The following SLC45A4 variants were observed in gnomAD, a reference collection of about 807,000 sequenced individuals.
SLC45A4 encodes the protein polyamine-transporter SLC45A4.
SLC45A4 carries 32 observed loss-of-function variants against 63.7 expected under a neutral mutation model. The ratio of observed to expected loss-of-function variants is 0.50; its 90% confidence interval spans 0.38 to 0.67. The LOEUF (loss-of-function observed/expected upper bound fraction) is 0.67. Among genes scored for constraint, SLC45A4 ranks in the 30% least tolerant of loss-of-function variants. The probability of loss-of-function intolerance (pLI) is 0.00; values close to 1 mark genes in which losing one functional copy is unlikely to be tolerated. For synonymous variants in SLC45A4, 535 were observed against 510.0 expected (o/e 1.05, Z -0.66); for missense variants, 1,027 against 1,157.7 (o/e 0.89, Z 1.64).
intron 2 of SLC45A4, among the ~76,000 whole-genome samples, chr8:141,247,183 A>G (rs182264093): frequency 1.2e-4 from 17 of 147,178 alleles, no homozygotes; most frequent in African/African-American, 3.9e-4. Flanking sequence ...TACAGGTCTT[A>G]CAATTAAAAG....
intron 1 of SLC45A4, among the ~76,000 whole-genome samples, chr8:141,301,734 C>CAAAAAAAAAAAAAAAAAAAAAAAAAAAA (rs564016568): frequency 1.3e-4 from 5 of 39,564 alleles, no homozygotes; most frequent in Non-Finnish European, 2.0e-4. Flanking sequence ...GACCCTATCT[C>CAAAAAAAAAAAAAAAAAAAAAAAAAAAA]AAAAAAAAAA....
At position 141,258,483 on chromosome 8, in the gene SLC45A4, T is replaced by C. The variant is rs552402587; in HGVS notation, c.-400-3854A>G. ...CACAGAGAAAAGCCCCAGGCAACCA[T>C]CGGCCTCTCACATGGAGCATGGACT... is the stretch of plus-strand genomic sequence containing the variant. On this transcript the variant is annotated intron_variant, in intron 1 of 8. Coordinates refer to ENST00000517878, the MANE Select transcript of SLC45A4 (RefSeq NM_001286646.2). 4.9e-4 allele frequency among the ~76,000 whole-genome samples: 75 copies of C among 152,172 alleles called. 1 individual carries two copies. Among genetic ancestry groups the C allele is most frequent in the African/African-American group, 1.7e-3 (71 of 41,532 alleles).
intron 1 of SLC45A4, among the ~76,000 whole-genome samples, chr8:141,293,253 G>C (rs989240120): frequency 5.3e-5 from 8 of 152,140 alleles, no homozygotes; most frequent in African/African-American, 1.9e-4. Flanking sequence ...AGGGGTTCGA[G>C]ACCAGCCTGG....
At chr8:141,301,734 C>CAAAAAAAAAAAAAA (rs564016568) in intron 1 of SLC45A4, among the ~76,000 whole-genome samples, 806 of 39,566 alleles carry the variant, frequency 0.02, 91 homozygotes, top group Non-Finnish European at 0.031. Context: ...GACCCTATCT[C>CAAAAAAAAAAAAAA]AAAAAAAAAA....
intron 2 of SLC45A4, among the ~76,000 whole-genome samples, chr8:141,251,387 A>G (rs1452000097): frequency 2.0e-5 from 3 of 151,794 alleles, no homozygotes; most frequent in South Asian, 4.2e-4. Flanking sequence ...GCCTTCCCAC[A>G]CTGGTCCAGC....
chr8:141,259,288 C>T (rs1407293610), intron 1 of SLC45A4, among the ~76,000 whole-genome samples: 8 of 152,250 alleles, frequency 5.3e-5, no homozygotes, highest in African/African-American at 1.9e-4. Context: ...GACGGCTTCA[C>T]GCCTTGGGAC....
rs796187122 is a variant in SLC45A4 at position 141,256,939 on chromosome 8, C to T, written c.-400-2310G>A. The T allele has an allele frequency of 1.0e-4, 24 of 237,348 alleles. No homozygotes were observed. The highest frequency in any genetic ancestry group is 3.9e-4 in the African/African-American group (17 of 43,488). 14.7% of individuals were successfully genotyped at this position (237,348 alleles called of 1,614,324 possible). ...TGTGATCTCGGCTCACTGCAACCTC[C>T]GCCTCCCAGCTTCAAGCGATTCTCC... On this transcript the variant is annotated intron_variant, in intron 1 of 8. Coordinates refer to ENST00000517878, the MANE Select transcript of SLC45A4 (RefSeq NM_001286646.2). The surrounding 1 kb of genome is among the most constrained non-coding windows in gnomAD (Gnocchi z 4.3).
intron 1 of SLC45A4, among the ~76,000 whole-genome samples, chr8:141,295,263 T>C (rs748223500): frequency 1.3e-5 from 2 of 151,984 alleles, no homozygotes; most frequent in Non-Finnish European, 2.9e-5. Flanking sequence ...GCCCTGGGGC[T>C]CAGAGAAATT....
chr8:141,215,890 C>T lies in SLC45A4; in HGVS notation c.1810G>A (p.Gly604Ser), dbSNP rs138274616. ...YVLGTLGFSV[G>S]TAVMAMFPNV... ...GGAAACATGGCCATCACGGCTGTGC[C>T]GACAGAGAAGCCCAGCGTCCCCAGC... The change falls in exon 7 of 9, where the codon GGC (glycine) becomes AGC (serine). Residue 604 changes from glycine (G) to serine (S), a missense_variant. Coordinates refer to ENST00000517878, the MANE Select transcript of SLC45A4 (RefSeq NM_001286646.2). The surrounding 1 kb of genome is among the most constrained non-coding windows in gnomAD (Gnocchi z 4.3). The T allele has an allele frequency of 5.6e-6, 9 of 1,614,004 alleles. No homozygotes were observed. Among genetic ancestry groups the T allele is most frequent in the African/African-American group, 2.7e-5 (2 of 74,898 alleles).
In SLC45A4 at chr8:141,217,209, G is replaced by A. The variant is rs574188322; in HGVS notation, c.1630-20C>T. The A allele has an allele frequency of 8.1e-6, 13 of 1,612,116 alleles. No homozygotes were observed. The South Asian group carries it at 1.4e-4, about 18-fold the overall frequency. On this transcript the variant is annotated intron_variant, in intron 5 of 8. Coordinates refer to ENST00000517878, the MANE Select transcript of SLC45A4 (RefSeq NM_001286646.2). ...GGGGGCCTGTTCCGGAAATGAGACG[G>A]GGGCTGACGAGGGCATCTGCTGGGC...
At chr8:141,287,040 C>T (rs939111097) in intron 1 of SLC45A4, among the ~76,000 whole-genome samples, 10 of 152,044 alleles carry the variant, frequency 6.6e-5, no homozygotes, top group Non-Finnish European at 1.2e-4. Flanking sequence ...CACCGTGTGA[C>T]CTTGAGGAAG....
chr8:141,288,169 T>C (rs995931290), intron 1 of SLC45A4, among the ~76,000 whole-genome samples: 1 of 152,034 alleles, frequency 6.6e-6, no homozygotes, highest in Non-Finnish European at 1.5e-5. Context: ...GCGACAGGCT[T>C]GAGTATGTCT....
chr8:141,209,431 G>C lies in SLC45A4; in HGVS notation c.*2141C>G, dbSNP rs1290159631. On this transcript the variant is annotated 3_prime_UTR_variant, in exon 9 of 9. Transcript: ENST00000517878. ...ATGTCGTGACCTGGTCCCCGCTGTG[G>C]CCAGGCCGGGCCCACACGCACCGCC... 6.6e-6 allele frequency: 1 copy of C among 152,350 alleles called. No individual in the cohort carries two copies. The highest frequency in any genetic ancestry group is 1.9e-4 in the East Asian group (1 of 5,198). 9.4% of individuals were successfully genotyped at this position (152,350 alleles called of 1,614,324 possible). A position where few individuals can be genotyped will look rare whatever the true frequency, so the allele number is the denominator to read the frequency against.
intron 2 of SLC45A4, chr8:141,253,248 CCCACCTGTGT>C (rs1589816874): frequency 1.2e-5 from 2 of 162,558 alleles, no homozygotes; most frequent in East Asian, 3.9e-4. Flanking sequence ...TGTTTTCATG[CCCACCTGTGT>C]GTCTGTGAAT....
At chr8:141,290,911 C>T (rs563359400) in intron 1 of SLC45A4, among the ~76,000 whole-genome samples, 5 of 152,346 alleles carry the variant, frequency 3.3e-5, no homozygotes, top group East Asian at 3.9e-4. Context: ...TGCAGTGGTG[C>T]GATCTCAGCT....
chr8:141,273,956 G>A (rs1048600413), intron 1 of SLC45A4, among the ~76,000 whole-genome samples: 3 of 152,348 alleles, frequency 2.0e-5, no homozygotes, highest in Non-Finnish European at 2.9e-5. Context: ...TGGGCCAGGC[G>A]TGGTGGCTCA....
intron 1 of SLC45A4, among the ~76,000 whole-genome samples, chr8:141,273,977 C>T (rs1014917633): frequency 4.6e-5 from 7 of 152,270 alleles, no homozygotes; most frequent in African/African-American, 1.4e-4. Context: ...CGCCTGTAAT[C>T]CCAGCACTTT....
intron 1 of SLC45A4, among the ~76,000 whole-genome samples, chr8:141,258,180 T>C (rs1828888854): frequency 6.6e-6 from 1 of 151,814 alleles, no homozygotes. Context: ...CACAGTTTGC[T>C]GCCCTCCGGC....
chr8:141,268,752 T>C (rs1475737858), intron 1 of SLC45A4, among the ~76,000 whole-genome samples: 1 of 152,208 alleles, frequency 6.6e-6, no homozygotes, highest in African/African-American at 2.4e-5. Flanking sequence ...GGGGCATCCA[T>C]GCTGACTGCC....
Sources: allele counts gnomAD v4.1 joint callset (sites outside exome capture counted in the v4.1 genomes callset), GRCh38; gene constraint gnomAD v4.1.1; non-coding constraint Gnocchi (gnomAD v3.1); transcripts MANE v1.5; gene names NCBI Gene and HGNC (gene_info 2026-07-23, HGNC 2026-07-21).